CWC27: variants seen among roughly 807,000 people sequenced by gnomAD.
CWC27 encodes the protein CWC27 spliceosome associated cyclophilin, also known as spliceosome-associated protein CWC27 homolog.
A neutral mutation model predicts 63.6 loss-of-function variants in CWC27; 47 were observed. The ratio of observed to expected loss-of-function variants is 0.74; its 90% CI spans 0.58 to 0.94. The LOEUF is 0.94. Ranked by LOEUF, CWC27 falls within the 40% of genes least tolerant of loss-of-function variation. CWC27 has a pLI of 0.00. For synonymous variants in CWC27, 175 were observed against 179.8 expected (o/e 0.97, Z 0.22); for missense variants, 495 against 554.3 (o/e 0.89, Z 1.07).
intron 2 of CWC27, among the ~76,000 whole-genome samples, chr5:64,781,073 A>C (rs953836959): frequency 6.6e-6 from 1 of 151,956 alleles, no homozygotes; most frequent in Non-Finnish European, 1.5e-5. Flanking sequence ...TGCCATTCCC[A>C]AGTTAACTTC....
chr5:64,995,409 G>A (rs1001294857), intron 13 of CWC27, among the ~76,000 whole-genome samples: 2 of 151,914 alleles, frequency 1.3e-5, no homozygotes, highest in African/African-American at 4.8e-5. Flanking sequence ...TTTCCTTCAC[G>A]ATTTCTACCT....
At chr5:64,907,217 G>A in intron 11 of CWC27, among the ~76,000 whole-genome samples, 1 of 152,202 alleles carries the variant, frequency 6.6e-6, no homozygotes, top group Non-Finnish European at 1.5e-5. Flanking sequence ...GTCATTGGTA[G>A]CTTGATGGGG....
chr5:65,004,911 C>CAA (rs1310255510), intron 13 of CWC27, among the ~76,000 whole-genome samples: 1 of 67,156 alleles, frequency 1.5e-5, no homozygotes, highest in Non-Finnish European at 3.6e-5. Flanking sequence ...TATATACATA[C>CAA]ACACACACAC....
At chr5:64,949,246 A>G (rs1203584380) in intron 11 of CWC27, among the ~76,000 whole-genome samples, 1 of 152,046 alleles carries the variant, frequency 6.6e-6, no homozygotes, top group Non-Finnish European at 1.5e-5. Flanking sequence ...TCATGTGTTA[A>G]TGGGAGCTTA....
At chr5:64,817,622 A>C (rs1217840250) in intron 10 of CWC27, among the ~76,000 whole-genome samples, 1 of 152,160 alleles carries the variant, frequency 6.6e-6, no homozygotes, top group Admixed American at 6.6e-5. Context: ...AACAGCAGAC[A>C]CAATATAAAC....
At chr5:64,806,914 AT>A (rs1328976367) in intron 10 of CWC27, among the ~76,000 whole-genome samples, 6 of 152,200 alleles carry the variant, frequency 3.9e-5, no homozygotes, top group Non-Finnish European at 7.4e-5. Context: ...AGTTAACTTT[AT>A]GGTTAAAAAA....
At position 64,790,956 on chromosome 5, in the gene CWC27, G is replaced by T. The variant is rs145328653; in HGVS notation, c.669+1936G>T. Among the ~76,000 whole-genome samples, 624 of 152,122 alleles carry T rather than the reference G, an allele frequency of 4.1e-3. 3 individuals carry two copies. The highest frequency in any genetic ancestry group is 0.014 in the African/African-American group (584 of 41,480). On this transcript the variant is annotated intron_variant, in intron 7 of 13. Coordinates refer to ENST00000381070, the MANE Select transcript of CWC27 (RefSeq NM_005869.4). ...GAATTTTGAACTGAGGGTTTTTTTA[G>T]CTAGTTAAGTCTCTCATATGATTAT...
At chr5:64,858,137 C>CAAAAA (rs529762534) in intron 10 of CWC27, among the ~76,000 whole-genome samples, 1 of 23,086 alleles carries the variant, frequency 4.3e-5, no homozygotes, top group Non-Finnish European at 7.0e-5. Context: ...GACTCCGTCT[C>CAAAAA]AAAAAAAAAA....
intron 10 of CWC27, chr5:64,807,695 C>T (rs1182918576): frequency 6.5e-7 from 1 of 1,535,914 alleles, no homozygotes; most frequent in Non-Finnish European, 8.7e-7. Flanking sequence ...TTCTAGATTC[C>T]AGCCTCAGCT....
At chr5:64,972,046 A>G (rs548945687) in intron 12 of CWC27, among the ~76,000 whole-genome samples, 1 of 152,098 alleles carries the variant, frequency 6.6e-6, no homozygotes, top group Non-Finnish European at 1.5e-5. Context: ...TCAACCTGGT[A>G]CTCCCATAGT....
intron 10 of CWC27, among the ~76,000 whole-genome samples, chr5:64,869,120 GAA>G (rs1299941564): frequency 6.6e-6 from 1 of 151,924 alleles, no homozygotes; most frequent in Non-Finnish European, 1.5e-5. Flanking sequence ...CTTCATAAAA[GAA>G]AATTTTGGTT....
intron 13 of CWC27, among the ~76,000 whole-genome samples, chr5:64,988,424 A>G (rs1749474650): frequency 1.3e-5 from 2 of 152,134 alleles, no homozygotes; most frequent in South Asian, 4.1e-4. Flanking sequence ...TTTAAATCCT[A>G]TGAAAAATGT....
At chr5:64,823,549 C>T (rs760184853) in intron 10 of CWC27, among the ~76,000 whole-genome samples, 110 of 152,296 alleles carry the variant, frequency 7.2e-4, no homozygotes, top group Non-Finnish European at 1.1e-3. Flanking sequence ...CCTCCTACAT[C>T]CCTCTGTTGG....
chr5:64,782,034 G>A lies in CWC27; in HGVS notation c.252+1G>A, dbSNP rs1468432566. On this transcript the variant is annotated splice_donor_variant, in intron 3 of 13. Coordinates refer to ENST00000381070, the MANE Select transcript of CWC27 (RefSeq NM_005869.4). LOFTEE classifies it high-confidence loss of function. ...GTCTATCTATGGAGCGCCATTCAAA[G>A]TAAGACTGAATTATTATTTTTATTA... The A allele has an allele frequency of 2.9e-6, 4 of 1,367,260 alleles. No homozygotes were observed. Among genetic ancestry groups the A allele is most frequent in the African/African-American group, 1.5e-5 (1 of 68,846 alleles). 84.7% of individuals were successfully genotyped at this position (1,367,260 alleles called of 1,614,324 possible). A position where few individuals can be genotyped will look rare whatever the true frequency, so the allele number is the denominator to read the frequency against.
rs1006732990 is a variant in CWC27, at chr5:65,018,474, T to C, written c.*153T>C. The C allele has an allele frequency of 4.6e-6, 3 of 651,212 alleles. No homozygotes were observed. Among genetic ancestry groups the C allele is most frequent in the African/African-American group, 3.8e-5 (2 of 52,692 alleles). The allele number at this position is 651,212 out of a possible 1,614,324, so 40.3% of individuals were successfully genotyped here. A position where few individuals can be genotyped will look rare whatever the true frequency, so the allele number is the denominator to read the frequency against. On this transcript the variant is annotated 3_prime_UTR_variant, in exon 14 of 14. Transcript: ENST00000381070. Reference sequence around the variant, plus strand: ...AAAAACAATTATCTTGTTTTGCAAATTGTGGAATGATGTAAGCAAATGCTT... The same window carrying C: ...AAAAACAATTATCTTGTTTTGCAAACTGTGGAATGATGTAAGCAAATGCTT...
chr5:64,999,783 G>A (rs963918043), intron 13 of CWC27, among the ~76,000 whole-genome samples: 6 of 152,040 alleles, frequency 3.9e-5, no homozygotes, highest in African/African-American at 1.4e-4. Flanking sequence ...ATTGTAAATA[G>A]TGCTGCAATG....
intron 10 of CWC27, among the ~76,000 whole-genome samples, chr5:64,820,478 T>A (rs1745166436): frequency 6.6e-6 from 1 of 152,118 alleles, no homozygotes. Context: ...TACCTTGAAC[T>A]AGAAGAGCCA....
intron 10 of CWC27, among the ~76,000 whole-genome samples, chr5:64,860,677 T>C (rs1746378734): frequency 6.6e-6 from 1 of 152,232 alleles, no homozygotes; most frequent in South Asian, 2.1e-4. Context: ...TGAATGAGTA[T>C]TTTGCATATA....
At chr5:64,959,912 A>C (rs1748874827) in intron 11 of CWC27, among the ~76,000 whole-genome samples, 1 of 152,236 alleles carries the variant, frequency 6.6e-6, no homozygotes, top group Admixed American at 6.5e-5. Flanking sequence ...CAATATAAAC[A>C]AAGAAGCAGT....
Sources: gnomAD v4.1 joint callset for allele counts (sites outside exome capture counted in the v4.1 genomes callset) on GRCh38, gnomAD v4.1.1 for gene constraint, MANE v1.5 for transcripts, NCBI Gene and HGNC (gene_info 2026-07-23, HGNC 2026-07-21) for gene names.